CCDC15: variants seen among roughly 807,000 people sequenced by gnomAD.
The protein encoded by CCDC15 is coiled-coil domain containing 15.
CCDC15 carries 105 observed loss-of-function variants against 114.5 expected under a neutral mutation model. The observed-to-expected ratio is 0.92, with a 90% CI of 0.78 to 1.08. The LOEUF is 1.08. CCDC15 is among the 50% of genes least tolerant of loss of function. CCDC15 has a pLI of 0.00. For synonymous variants in CCDC15, 334 were observed against 377.8 expected (o/e 0.88, Z 1.34); for missense variants, 1,105 against 1,093.6 (o/e 1.01, Z -0.15).
In CCDC15 at chr11:125,033,337, C is replaced by G. The variant is rs148943017; in HGVS notation, c.2412-5094C>G. Among the ~76,000 whole-genome samples, 851 of 152,300 alleles carry G rather than the reference C, an allele frequency of 5.6e-3. 8 individuals carry two copies. Among genetic ancestry groups the G allele is most frequent in the African/African-American group, 0.019 (809 of 41,556 alleles). On this transcript the variant is annotated intron_variant, in intron 13 of 15. Coordinates refer to ENST00000344762, the MANE Select transcript of CCDC15 (RefSeq NM_025004.3). ...CTGATTGTTGCTTTGCCTCTGCTGT[C>G]CATTATGGTAGCCGTGCCCATCTTG...
chr11:125,010,135 A>G lies in CCDC15; in HGVS notation c.2411+4923A>G, dbSNP rs147216923. Among the ~76,000 whole-genome samples, 287 of 152,288 alleles carry G rather than the reference A, an allele frequency of 1.9e-3. 1 individual carries two copies. The highest frequency in any genetic ancestry group is 3.5e-3 in the Non-Finnish European group (236 of 68,018). ...GAACTAATTTACATTTCCACCAACAATGAATAAGCATTCCCTTTTCTCTGC... is the reference window on the plus strand; with the variant it reads ...GAACTAATTTACATTTCCACCAACAGTGAATAAGCATTCCCTTTTCTCTGC... On this transcript the variant is annotated intron_variant, in intron 13 of 15. Coordinates refer to ENST00000344762, the MANE Select transcript of CCDC15 (RefSeq NM_025004.3).
At chr11:124,955,030 T>C (rs2135421619) in intron 2 of CCDC15, 121 bp downstream of exon 2, 2 of 868,486 alleles carry the variant, frequency 2.3e-6, no homozygotes, top group Non-Finnish European at 3.5e-6. Context: ...CTGCCATAAA[T>C]AGTTTATGCT....
In CCDC15 at chr11:124,986,742, G is replaced by C. The variant is rs1312113975; in HGVS notation, c.754G>C (p.Glu252Gln). 1 of 1,519,348 alleles carries C rather than the reference G, an allele frequency of 6.6e-7. No homozygotes were observed. 94.1% of individuals were successfully genotyped at this position (1,519,348 alleles called of 1,614,324 possible). A position where few individuals can be genotyped will look rare whatever the true frequency, so the allele number is the denominator to read the frequency against. The stretch of plus-strand genomic sequence containing the variant: ...GCGTTTTCATTGTTTTTTTCTTTAG[G>C]AACTTGACTATGAGGAACCTGACTA... ...VPYQNYMENQ[E>Q]LDYEEPDYEE... The change falls in exon 7 of 16, where the codon GAA (glutamate) becomes CAA (glutamine). Residue 252 changes from glutamate (E) to glutamine (Q), a missense_variant and splice_region_variant. Transcript: ENST00000344762.
At chr11:125,035,548 G>A (rs7924637) in intron 13 of CCDC15, among the ~76,000 whole-genome samples, 40,217 of 151,020 alleles carry the variant, frequency 0.27, 6,271 homozygotes, top group African/African-American at 0.44. Flanking sequence ...AACATCTTTT[G>A]TTTGGAGAGT....
intron 2 of CCDC15, among the ~76,000 whole-genome samples, chr11:124,957,694 A>G (rs994969869): frequency 2.0e-5 from 3 of 152,166 alleles, no homozygotes; most frequent in Non-Finnish European, 1.5e-5. Flanking sequence ...TATTTTACCT[A>G]ATTGTTCTTT....
intron 4 of CCDC15, among the ~76,000 whole-genome samples, chr11:124,970,955 A>G (rs1947867295): frequency 6.6e-6 from 1 of 152,162 alleles, no homozygotes; most frequent in East Asian, 1.9e-4. Context: ...TGTGTGCAAA[A>G]TAGACATTTT....
At position 125,038,447 on chromosome 11, in the gene CCDC15, G is replaced by A. The variant is rs1419310082; in HGVS notation, c.2428G>A (p.Glu810Lys). Residue 810 changes from glutamate to lysine, a missense_variant, in exon 14 of 16, where the codon GAG becomes AAG. Coordinates refer to ENST00000344762, the MANE Select transcript of CCDC15 (RefSeq NM_025004.3). The stretch of plus-strand genomic sequence containing the variant: ...TATTTTCAGAATTAAGAAAAAGAGA[G>A]AGCAAGAATGTTATGCTGCAGAGCA... ...KKIEKIKKKR[E>K]QECYAAEQRI... The A allele has an allele frequency of 3.3e-6, 5 of 1,515,910 alleles. No homozygotes were observed. Among genetic ancestry groups the A allele is most frequent in the Non-Finnish European group, 4.4e-6 (5 of 1,135,524 alleles). 93.9% of individuals were successfully genotyped at this position (1,515,910 alleles called of 1,614,324 possible).
At position 124,986,689 on chromosome 11, in the gene CCDC15, GTT is replaced by G. The variant is rs34449008; in HGVS notation, c.754-51_754-50del. The G allele has an allele frequency of 1.7e-3, 2,250 of 1,351,584 alleles. 33 individuals carry two copies. The highest frequency in any genetic ancestry group is 0.013 in the African/African-American group (802 of 60,784). 83.7% of individuals were successfully genotyped at this position (1,351,584 alleles called of 1,614,324 possible). On this transcript the variant is annotated intron_variant, in intron 6 of 15. Transcript: ENST00000344762. Reference sequence around the variant, plus strand: ...GTGCTGTGTGTGTGTGTGTGTGTGTGTTTGTGTGTGTGCGCGCGCGCGCGTGC... The same window carrying G: ...GTGCTGTGTGTGTGTGTGTGTGTGTGTGTGTGTGTGCGCGCGCGCGCGTGC...
At chr11:124,955,600 C>T (rs1486883584) in intron 2 of CCDC15, among the ~76,000 whole-genome samples, 2 of 152,122 alleles carry the variant, frequency 1.3e-5, no homozygotes, top group African/African-American at 4.8e-5. Context: ...TTAAATACTG[C>T]CTAATCAATA....
At chr11:125,011,535 C>T (rs1220427909) in intron 13 of CCDC15, among the ~76,000 whole-genome samples, 1 of 151,810 alleles carries the variant, frequency 6.6e-6, no homozygotes, top group African/African-American at 2.4e-5. Flanking sequence ...CATGCCCGGC[C>T]GAAGTATTCT....
intron 8 of CCDC15, among the ~76,000 whole-genome samples, chr11:124,988,453 C>A (rs1024322661): frequency 6.6e-6 from 1 of 152,188 alleles, no homozygotes; most frequent in Non-Finnish European, 1.5e-5. Flanking sequence ...AAGCCATAAT[C>A]TTTTTGCTGG....
intron 13 of CCDC15, among the ~76,000 whole-genome samples, chr11:125,025,249 G>A (rs1214859206): frequency 6.7e-6 from 1 of 149,368 alleles, no homozygotes. Flanking sequence ...GGGTTCCTGG[G>A]TACACCCATT....
At chr11:124,959,711 GCCCCCCA>G in intron 3 of CCDC15, 97 bp from the exon 4 acceptor site, 1 of 439,762 alleles carries the variant, frequency 2.3e-6, no homozygotes, top group Non-Finnish European at 3.5e-6. Context: ...CCTCTCCCCT[GCCCCCCA>G]CCCCAATTTA....
intron 13 of CCDC15, among the ~76,000 whole-genome samples, chr11:125,018,525 G>A (rs1292862991): frequency 6.6e-6 from 1 of 151,978 alleles, no homozygotes; most frequent in African/African-American, 2.4e-5. Flanking sequence ...AATACAGCAC[G>A]TGGTTAAGAA....
chr11:125,024,097 C>A (rs1395268124), intron 13 of CCDC15, among the ~76,000 whole-genome samples: 1 of 151,930 alleles, frequency 6.6e-6, no homozygotes, highest in African/African-American at 2.4e-5. Flanking sequence ...ATGAGTCATT[C>A]ATATATATGT....
intron 11 of CCDC15, among the ~76,000 whole-genome samples, chr11:124,997,016 CATA>C (rs763280990): frequency 1.3e-5 from 2 of 152,210 alleles, no homozygotes; most frequent in Non-Finnish European, 2.9e-5. Flanking sequence ...TTTTGCTCAG[CATA>C]ATGTTTCTGA....
Position 124,991,599 on chromosome 11 carries a change from A to C in CCDC15, c.2031+16A>C, listed in dbSNP as rs1245699493. On this transcript the variant is annotated intron_variant, in intron 9 of 15. Coordinates refer to ENST00000344762, the MANE Select transcript of CCDC15 (RefSeq NM_025004.3). The stretch of plus-strand genomic sequence containing the variant: ...CAAAAATCAGGTAGAGTAGAAGAAA[A>C]AGATATAAACAGGAAGGAAGTACCC... 6.3e-7 allele frequency: 1 copy of C among 1,589,040 alleles called. No individual in the cohort carries two copies.
At chr11:125,025,706 T>C (rs1354889932) in intron 13 of CCDC15, among the ~76,000 whole-genome samples, 2 of 152,134 alleles carry the variant, frequency 1.3e-5, no homozygotes, top group Admixed American at 6.5e-5. Context: ...AATTGACATA[T>C]TTATTAATGT....
intron 11 of CCDC15, among the ~76,000 whole-genome samples, chr11:124,997,346 A>G (rs1274047384): frequency 6.6e-6 from 1 of 152,202 alleles, no homozygotes; most frequent in Non-Finnish European, 1.5e-5. Flanking sequence ...GCTGGATTGC[A>G]GTGGTACAAT....
Sources: gnomAD v4.1 joint callset for allele counts (sites outside exome capture counted in the v4.1 genomes callset) on GRCh38, gnomAD v4.1.1 for gene constraint, MANE v1.5 for transcripts, NCBI Gene and HGNC (gene_info 2026-07-23, HGNC 2026-07-21) for gene names.